Variants in CHRM2 observed in about 807,000 individuals in gnomAD.
CHRM2 encodes the protein cholinergic receptor muscarinic 2, also known as muscarinic acetylcholine receptor M2.
CHRM2 carries 8 observed loss-of-function variants against 25.0 expected under a neutral mutation model. That is an observed-to-expected ratio of 0.32 (90% CI 0.19 to 0.58). The LOEUF (loss-of-function observed/expected upper bound fraction) is 0.58, where lower values mean the gene tolerates loss of function less well. Among genes scored for constraint, CHRM2 ranks in the 20% least tolerant of loss-of-function variants. CHRM2 has a pLI of 0.88. For missense variants in CHRM2, 440 were observed against 567.1 expected (o/e 0.78, Z 2.28); for synonymous variants, 202 against 205.7 (o/e 0.98, Z 0.15).
chr7:136,920,209 A>G (rs1246633978), intron 2 of CHRM2, among the ~76,000 whole-genome samples: 1 of 151,986 alleles, frequency 6.6e-6, no homozygotes, highest in Non-Finnish European at 1.5e-5. Flanking sequence ...GGCTCTTGTC[A>G]GCTGTTGCTG....
chr7:136,945,651 T>C (rs534501033), intron 2 of CHRM2, among the ~76,000 whole-genome samples: 4 of 152,268 alleles, frequency 2.6e-5, no homozygotes, highest in African/African-American at 9.6e-5. Context: ...AGTTGGGTAA[T>C]GTAATGTGTA....
intron 2 of CHRM2, among the ~76,000 whole-genome samples, chr7:136,924,319 G>A (rs927761426): frequency 5.3e-5 from 8 of 151,214 alleles, no homozygotes; most frequent in African/African-American, 9.7e-5. Flanking sequence ...CCAGTAACTC[G>A]TCATTTAACA....
At chr7:136,874,947 T>C (rs1795990336) in intron 2 of CHRM2, among the ~76,000 whole-genome samples, 1 of 151,494 alleles carries the variant, frequency 6.6e-6, no homozygotes, top group Non-Finnish European at 1.5e-5. Context: ...TCTGATAGAA[T>C]ATTCTGCACA....
intron 2 of CHRM2, among the ~76,000 whole-genome samples, chr7:136,891,991 A>C (rs1796708922): frequency 6.6e-6 from 1 of 152,210 alleles, no homozygotes; most frequent in South Asian, 2.1e-4. Context: ...ACTCAGGAGA[A>C]GGCAGAAACA....
chr7:137,016,485 G>GA lies in CHRM2; in HGVS notation c.*222dup. ...TCAGTATTAGGAGCAATGAGACAATGAAAGAAACATGTTGGGATCGTGGAT... is the reference window on the plus strand; with the variant it reads ...TCAGTATTAGGAGCAATGAGACAATGAAAAGAAACATGTTGGGATCGTGGAT... On this transcript the variant is annotated 3_prime_UTR_variant, in exon 4 of 4. Transcript: ENST00000680005. 1 of 559,744 alleles carries GA rather than the reference G, an allele frequency of 1.8e-6. No individual in the cohort carries two copies. The allele number at this position is 559,744 out of a possible 1,614,324, so 34.7% of individuals were successfully genotyped here.
At chr7:137,013,562 C>T (rs533336093) in intron 3 of CHRM2, among the ~76,000 whole-genome samples, 12 of 152,064 alleles carry the variant, frequency 7.9e-5, no homozygotes, top group Admixed American at 7.9e-4. Flanking sequence ...GCTTCAGATG[C>T]TGTTTCTCCA....
chr7:137,001,640 G>A (rs985992427), intron 3 of CHRM2, among the ~76,000 whole-genome samples: 1 of 152,112 alleles, frequency 6.6e-6, no homozygotes, highest in African/African-American at 2.4e-5. Flanking sequence ...GCACACTGGA[G>A]AGGGCCTTCT....
intron 2 of CHRM2, among the ~76,000 whole-genome samples, chr7:136,901,405 T>C (rs1048352337): frequency 6.6e-6 from 1 of 152,002 alleles, no homozygotes; most frequent in Non-Finnish European, 1.5e-5. Context: ...AATTTGAAAA[T>C]AGACACACTA....
Position 136,917,610 on chromosome 7 carries a change from C to T in CHRM2, c.-125+48192C>T, listed in dbSNP as rs577642506. ...GAATGAGGTAAACAAGGATGGATGCCGGATTGCTGCCAGCTTTCACCAGCG... is the reference window on the plus strand; with the variant it reads ...GAATGAGGTAAACAAGGATGGATGCTGGATTGCTGCCAGCTTTCACCAGCG... On this transcript the variant is annotated intron_variant, in intron 2 of 3. Coordinates refer to ENST00000680005, the MANE Select transcript of CHRM2 (RefSeq NM_001006630.2). Among the ~76,000 whole-genome samples the T allele has an allele frequency of 7.2e-5, 11 of 152,084 alleles. No individual in the cohort carries two copies. In the East Asian group the frequency reaches 1.7e-3, roughly 24 times the overall value.
intron 2 of CHRM2, chr7:136,938,663 G>T: frequency 2.5e-6 from 2 of 808,184 alleles, no homozygotes; most frequent in South Asian, 1.4e-5. Flanking sequence ...ACTCGTGCAG[G>T]AGCGGCTGCT....
chr7:136,918,720 A>T (rs1798258069), intron 2 of CHRM2, among the ~76,000 whole-genome samples: 5 of 152,068 alleles, frequency 3.3e-5, no homozygotes, highest in Admixed American at 3.3e-4. Flanking sequence ...CCACCATGCC[A>T]GGCTTGAAGT....
intron 2 of CHRM2, chr7:136,938,668 G>A: frequency 1.3e-6 from 1 of 795,402 alleles, no homozygotes. Flanking sequence ...TGCAGGAGCG[G>A]CTGCTGAAGG....
chr7:136,920,555 G>C (rs1168127837), intron 2 of CHRM2, among the ~76,000 whole-genome samples: 1 of 152,094 alleles, frequency 6.6e-6, no homozygotes, highest in Non-Finnish European at 1.5e-5. Flanking sequence ...TGAAGGCACT[G>C]ACCCCGGGGT....
chr7:136,899,225 T>C (rs539256243), intron 2 of CHRM2: 10 of 152,184 alleles, frequency 6.6e-5, no homozygotes, highest in African/African-American at 2.2e-4. Context: ...CTTGTAGATA[T>C]GTTGCAGTAA....
chr7:136,938,672 C>A (rs1022636915), intron 2 of CHRM2: 3 of 796,042 alleles, frequency 3.8e-6, no homozygotes, highest in Non-Finnish European at 6.6e-6. Flanking sequence ...GGAGCGGCTG[C>A]TGAAGGCCCA....
At chr7:137,003,413 T>A (rs1804185202) in intron 3 of CHRM2, among the ~76,000 whole-genome samples, 1 of 151,960 alleles carries the variant, frequency 6.6e-6, no homozygotes, top group African/African-American at 2.4e-5. Context: ...TTTCTTCTTA[T>A]ATGTTATTAC....
At chr7:136,950,128 T>C (rs968907391) in intron 2 of CHRM2, among the ~76,000 whole-genome samples, 1 of 152,172 alleles carries the variant, frequency 6.6e-6, no homozygotes, top group South Asian at 2.1e-4. Context: ...AAACTAAACA[T>C]CTCTTTTTTA....
At chr7:136,905,141 TCAAATTGTCTTA>T (rs1797461548) in intron 2 of CHRM2, among the ~76,000 whole-genome samples, 1 of 151,918 alleles carries the variant, frequency 6.6e-6, no homozygotes, top group Non-Finnish European at 1.5e-5. Context: ...TGTTGTTATT[TCAAATTGTCTTA>T]CAAATTTCTA....
intron 2 of CHRM2, among the ~76,000 whole-genome samples, chr7:136,893,105 T>TC (rs1796759437): frequency 1.3e-5 from 2 of 152,310 alleles, no homozygotes; most frequent in African/African-American, 4.8e-5. Context: ...TCTCGCTTCT[T>TC]AAGGCTGCCA....
Sources: allele counts gnomAD v4.1 joint callset (sites outside exome capture counted in the v4.1 genomes callset), GRCh38; gene constraint gnomAD v4.1.1; transcripts MANE v1.5; gene names NCBI Gene and HGNC (gene_info 2026-07-23, HGNC 2026-07-21).